The following SMC2 variants were observed in gnomAD, a reference collection of about 807,000 sequenced individuals.
SMC2 encodes structural maintenance of chromosomes protein 2.
In SMC2, 41 loss-of-function variants were observed where a neutral mutation model predicts 142.6. That is an observed-to-expected ratio of 0.29 (90% CI 0.22 to 0.37). The LOEUF is 0.37. Among genes scored for constraint, SMC2 ranks in the 10% least tolerant of loss-of-function variants. The pLI, the probability that SMC2 is intolerant of heterozygous loss-of-function variation, is 1.00. For missense variants in SMC2, 1,265 were observed against 1,373.7 expected, an observed-to-expected ratio of 0.92 and a Z score of 1.25; for synonymous variants, 463 against 457.5, an observed-to-expected ratio of 1.01 and a Z score of -0.15.
chr9:104,126,911 T>C (rs1834360711), intron 19 of SMC2, 127 bp downstream of exon 19: 1 of 935,982 alleles, frequency 1.1e-6, no homozygotes, highest in Non-Finnish European at 1.6e-6. Context: ...GAGGCACAAA[T>C]AGCTTTTACT....
chr9:104,128,419 T>C (rs1834553524), intron 20 of SMC2, among the ~76,000 whole-genome samples: 1 of 152,196 alleles, frequency 6.6e-6, no homozygotes, highest in African/African-American at 2.4e-5. Context: ...TACTGGCGAT[T>C]GCTAGGAGAT....
intron 20 of SMC2, among the ~76,000 whole-genome samples, chr9:104,128,803 A>G (rs1230946948): frequency 1.3e-5 from 2 of 152,150 alleles, no homozygotes; most frequent in African/African-American, 4.8e-5. Flanking sequence ...GCCTTTTTCA[A>G]TATACTGTGC....
At chr9:104,122,327 T>A (rs988900523) in intron 16 of SMC2, among the ~76,000 whole-genome samples, 18 of 152,346 alleles carry the variant, frequency 1.2e-4, no homozygotes, top group Non-Finnish European at 2.1e-4. Context: ...TCACACCATA[T>A]CAGGAAAGTA....
Position 104,123,080 on chromosome 9 carries a change from A to G in SMC2, c.2133-28A>G, listed in dbSNP as rs367766721. On this transcript the variant is annotated intron_variant, in intron 16 of 24. Coordinates refer to ENST00000374793, the MANE Select transcript of SMC2 (RefSeq NM_006444.3). ...CTCAAATACCAGAAAAATGACAGTC[A>G]TTTCTTACATGTTTCTGTTTTTGTA... 6 of 1,584,634 alleles carry G rather than the reference A, an allele frequency of 3.8e-6. No individual in the cohort carries two copies. The African/African-American group carries it at 6.8e-5, about 18-fold the overall frequency.
chr9:104,135,604 CAG>C (rs1168681793), intron 23 of SMC2, among the ~76,000 whole-genome samples: 2 of 152,038 alleles, frequency 1.3e-5, no homozygotes, highest in Admixed American at 6.6e-5. Flanking sequence ...GCAGGATAAA[CAG>C]AAACACATAC....
rs1391164994 is a variant in SMC2, at chr9:104,111,092, G to A, written c.1021-489G>A. ...TTTCAGGTCTGGTATCTTGCATAGT[G>A]TCAGCTATCTGGTAGTATTACTTAA... On this transcript the variant is annotated intron_variant, in intron 9 of 24. Transcript: ENST00000374793. Among the ~76,000 whole-genome samples the A allele has an allele frequency of 2.0e-5, 3 of 152,162 alleles. No homozygotes were observed. In the East Asian group the frequency reaches 5.8e-4, roughly 29 times the overall value.
chr9:104,105,508 A>C (rs947782851), intron 9 of SMC2, among the ~76,000 whole-genome samples: 2 of 152,150 alleles, frequency 1.3e-5, no homozygotes, highest in African/African-American at 4.8e-5. Flanking sequence ...TTAGTGGTAT[A>C]GTTACATAAG....
intron 16 of SMC2, among the ~76,000 whole-genome samples, chr9:104,121,111 C>G (rs1833681379): frequency 7.3e-6 from 1 of 136,896 alleles, no homozygotes; most frequent in South Asian, 2.1e-4. Context: ...AGTGAGTGAA[C>G]TGGCTCTGTG....
rs530046747 is a variant in SMC2, at chr9:104,096,134, A to G, written c.169-14A>G. ...GAGTTTTGTAATTGTTACACTTTTC[A>G]TATTTTATTTTAGGTTCGGGCTTCT... On this transcript the variant is annotated splice_polypyrimidine_tract_variant and intron_variant, in intron 2 of 24. Coordinates refer to ENST00000374793, the MANE Select transcript of SMC2 (RefSeq NM_006444.3). The G allele has an allele frequency of 6.2e-6, 10 of 1,608,896 alleles. No individual in the cohort carries two copies. The South Asian group carries it at 6.6e-5, about 11-fold the overall frequency.
At chr9:104,117,016 C>T (rs1001663868) in intron 14 of SMC2, among the ~76,000 whole-genome samples, 1 of 152,152 alleles carries the variant, frequency 6.6e-6, no homozygotes, top group African/African-American at 2.4e-5. Context: ...TAAAAATATA[C>T]TTGTAACTAA....
chr9:104,099,539 G>T, intron 4 of SMC2, 105 bp from the exon 5 acceptor site: 1 of 739,138 alleles, frequency 1.4e-6, no homozygotes. Context: ...CCAAAGATTG[G>T]TATATTGAGA....
At chr9:104,095,239 C>A in intron 1 of SMC2, 85 bp from the exon 2 acceptor site, 1 of 627,264 alleles carries the variant, frequency 1.6e-6, no homozygotes, top group Admixed American at 3.0e-5. Context: ...ATTTCTATCA[C>A]CCTATCGTTG....
At chr9:104,131,949 A>T (rs1327528837) in intron 21 of SMC2, 60 bp from the exon 22 acceptor site, 1 of 870,368 alleles carries the variant, frequency 1.1e-6, no homozygotes, top group African/African-American at 1.7e-5. Context: ...TTCTGACCAA[A>T]TTCCAGAATA....
intron 23 of SMC2, chr9:104,135,865 C>T (rs1189947705): frequency 3.9e-6 from 2 of 518,680 alleles, no homozygotes; most frequent in Admixed American, 1.9e-5. Flanking sequence ...GAATACTTTT[C>T]AGACAAAAAC....
At chr9:104,119,006 T>C (rs1158130156) in intron 15 of SMC2, among the ~76,000 whole-genome samples, 1 of 152,140 alleles carries the variant, frequency 6.6e-6, no homozygotes, top group Admixed American at 6.6e-5. Flanking sequence ...CACTACAGGG[T>C]GGCAGAGCTT....
chr9:104,090,203 A>C (rs926674253), upstream of SMC2, among the ~76,000 whole-genome samples: 4 of 152,246 alleles, frequency 2.6e-5, no homozygotes, highest in African/African-American at 9.6e-5. Flanking sequence ...ACAACCGTAA[A>C]AACAAAAAAC....
chr9:104,123,771 TA>T (rs1453705777), intron 17 of SMC2, among the ~76,000 whole-genome samples: 1 of 152,196 alleles, frequency 6.6e-6, no homozygotes, highest in Non-Finnish European at 1.5e-5. Flanking sequence ...ACTGGTCTTT[TA>T]ATTTTGTGTT....
At position 104,138,030 on chromosome 9, in the gene SMC2, C is replaced by T; in HGVS notation, c.3282C>T (p.Ala1094=). ...ELSGGQRSLV[A]LSLILSMLLF... is the part of the protein sequence containing the mutation. ...GACCTTTTCTTAGGTCTTTAGTGGC[C>T]TTGTCATTAATACTGTCCATGCTTC... The change falls in exon 24 of 25, where the codon GCC becomes GCT. Residue 1094 remains alanine (A), a synonymous_variant. Transcript: ENST00000374793. The T allele has an allele frequency of 6.3e-7, 1 of 1,579,634 alleles. No individual in the cohort carries two copies. The highest frequency in any genetic ancestry group is 1.2e-5 in the South Asian group (1 of 85,062).
chr9:104,139,335 A>C lies in SMC2; in HGVS notation c.*20A>C, dbSNP rs1226571473. ...GTTTAAACTACAAAGTTATTTCTTC[A>C]TCTTGACCTGTTTTTTTAAATGTAA... is the stretch of plus-strand genomic sequence containing the variant. On this transcript the variant is annotated 3_prime_UTR_variant, in exon 25 of 25. Transcript: ENST00000374793. 2 of 1,549,672 alleles carry C rather than the reference A, an allele frequency of 1.3e-6. No individual in the cohort carries two copies. Among genetic ancestry groups the C allele is most frequent in the Non-Finnish European group, 1.7e-6 (2 of 1,158,058 alleles).
Sources: allele counts gnomAD v4.1 joint callset (sites outside exome capture counted in the v4.1 genomes callset), GRCh38; gene constraint gnomAD v4.1.1; transcripts MANE v1.5; gene names NCBI Gene and HGNC (gene_info 2026-07-23, HGNC 2026-07-21).